Variants in MYO10 observed in about 807,000 individuals in gnomAD.
The protein encoded by MYO10 is unconventional myosin-X.
MYO10 carries 133 observed loss-of-function variants against 257.3 expected under a neutral mutation model. The observed-to-expected ratio is 0.52, with a 90% CI of 0.45 to 0.60. The LOEUF (loss-of-function observed/expected upper bound fraction) is 0.60. Among genes scored for constraint, MYO10 ranks in the 20% least tolerant of loss-of-function variants. The pLI, the probability that MYO10 is intolerant of heterozygous loss-of-function variation, is 0.00. For synonymous variants in MYO10, 1,104 were observed against 1,028.6 expected, an observed-to-expected ratio of 1.07 and a Z score of -1.40; for missense variants, 2,399 against 2,635.7, an observed-to-expected ratio of 0.91 and a Z score of 1.97.
chr5:16,714,901 C>T (rs1738783547), intron 19 of MYO10, among the ~76,000 whole-genome samples: 1 of 152,126 alleles, frequency 6.6e-6, no homozygotes, highest in Non-Finnish European at 1.5e-5. Flanking sequence ...TATTTAGTAT[C>T]TGATAGCACA....
At chr5:16,769,227 A>G (rs867617583) in intron 9 of MYO10, 24 bp from the exon 10 acceptor site, 1 of 1,568,332 alleles carries the variant, frequency 6.4e-7, no homozygotes, top group South Asian at 1.2e-5. Flanking sequence ...AATGTATTTA[A>G]TTTTATGTCG....
intron 2 of MYO10, among the ~76,000 whole-genome samples, chr5:16,821,683 G>A (rs1354357692): frequency 6.6e-6 from 1 of 151,516 alleles, no homozygotes; most frequent in Non-Finnish European, 1.5e-5. Flanking sequence ...AGCCAGGATG[G>A]TCTTGATCTC....
At chr5:16,790,026 C>G (rs769232498) in intron 4 of MYO10, among the ~76,000 whole-genome samples, 1 of 151,922 alleles carries the variant, frequency 6.6e-6, no homozygotes, top group African/African-American at 2.4e-5. Context: ...TGCTATATTA[C>G]AAGAGCACGC....
intron 1 of MYO10, among the ~76,000 whole-genome samples, chr5:16,890,362 A>T (rs1745016121): frequency 6.6e-6 from 1 of 151,884 alleles, no homozygotes; most frequent in African/African-American, 2.4e-5. Context: ...TAACCATATG[A>T]CCCAGAAATT....
chr5:16,911,507 G>GGA (rs942810971), intron 1 of MYO10, among the ~76,000 whole-genome samples: 28 of 151,982 alleles, frequency 1.8e-4, no homozygotes, highest in African/African-American at 6.5e-4. Flanking sequence ...TGAGGCGGGG[G>GGA]GATCCCTTGA....
rs748369375 is a variant in MYO10 at position 16,701,011 on chromosome 5, G to T, written c.3384C>A (p.Tyr1128Ter). 1 of 1,561,902 alleles carries T rather than the reference G, an allele frequency of 6.4e-7. No individual in the cohort carries two copies. The highest frequency in any genetic ancestry group is 8.7e-7 in the Non-Finnish European group (1 of 1,153,120). The change falls in exon 25 of 41, where the codon TAC (tyrosine) becomes TAA (stop). Residue 1128 changes from tyrosine (Y) to a stop codon, truncating the protein, a stop_gained. Transcript: ENST00000513610. LOFTEE classifies it high-confidence loss of function. The surrounding 1 kb of genome is among the most constrained non-coding windows in gnomAD (Gnocchi z 8.1). ...SPDYRCSVGT[Y>*]NSSGAYRFSS... is the part of the protein sequence containing the mutation. Reference sequence around the variant, plus strand: ...TGAACCGGTAGGCACCCGAGCTGTTGTAGGTCCCCACAGAGCAGCGGTAGT... The same window carrying T: ...TGAACCGGTAGGCACCCGAGCTGTTTTAGGTCCCCACAGAGCAGCGGTAGT...
rs1427891480 is a variant in MYO10 at position 16,695,220 on chromosome 5, G to C, written c.3557-606C>G. On this transcript the variant is annotated intron_variant, in intron 26 of 40. Transcript: ENST00000513610. ...ATGGTGGTGCGTGCCTGTAATCCCA[G>C]CTACTTGGGAGGCTGGGGTAGGACA... is the stretch of plus-strand genomic sequence containing the variant. Among the ~76,000 whole-genome samples, 4 of 152,118 alleles carry C rather than the reference G, an allele frequency of 2.6e-5. No individual in the cohort carries two copies. The East Asian group carries it at 7.7e-4, about 29-fold the overall frequency.
At chr5:16,877,827 G>A in intron 1 of MYO10, 120 bp from the exon 2 acceptor site, 1 of 743,466 alleles carries the variant, frequency 1.3e-6, no homozygotes, top group Non-Finnish European at 2.2e-6. Flanking sequence ...AAAAGTAAAT[G>A]TCTTTCTCAA....
intron 1 of MYO10, among the ~76,000 whole-genome samples, chr5:16,898,744 T>C (rs892665979): frequency 6.6e-6 from 1 of 151,976 alleles, no homozygotes. Context: ...GCATGTTCCC[T>C]GCACATCTCA....
chr5:16,871,606 C>T (rs191678663), intron 2 of MYO10, among the ~76,000 whole-genome samples: 73 of 150,162 alleles, frequency 4.9e-4, no homozygotes, highest in African/African-American at 1.8e-3. Flanking sequence ...AATCCTGTCT[C>T]GAAAAAAAAA....
intron 2 of MYO10, among the ~76,000 whole-genome samples, chr5:16,838,503 C>A (rs1321835315): frequency 6.6e-6 from 1 of 152,130 alleles, no homozygotes; most frequent in African/African-American, 2.4e-5. Flanking sequence ...CTGGAGCCAG[C>A]ACAGATTCGT....
At chr5:16,823,612 C>CA (rs1158191931) in intron 2 of MYO10, among the ~76,000 whole-genome samples, 20 of 149,700 alleles carry the variant, frequency 1.3e-4, no homozygotes, top group African/African-American at 4.9e-4. Context: ...GCTGGGACTA[C>CA]AGGCGCCCGC....
Position 16,794,654 on chromosome 5 carries a change from G to T in MYO10, c.459C>A (p.Ile153=). ...GCTGTGAGCCCCGTTACCTGATGAGGATGCACTGGTTGTCGTGGCGCTTCC... is the reference window on the plus strand; with the variant it reads ...GCTGTGAGCCCCGTTACCTGATGAGTATGCACTGGTTGTCGTGGCGCTTCC... ...CLWKRHDNQC[I]LISGESGAGK... is the part of the protein sequence containing the mutation. The change falls in exon 4 of 41, where the codon ATC becomes ATA. Residue 153 remains isoleucine, a synonymous_variant. Coordinates refer to ENST00000513610, the MANE Select transcript of MYO10 (RefSeq NM_012334.3). The T allele has an allele frequency of 3.1e-6, 5 of 1,610,120 alleles. No individual in the cohort carries two copies. The South Asian group carries it at 3.3e-5, about 11-fold the overall frequency.
chr5:16,829,120 G>C (rs756702772), intron 2 of MYO10, among the ~76,000 whole-genome samples: 3 of 152,158 alleles, frequency 2.0e-5, no homozygotes, highest in African/African-American at 7.2e-5. Flanking sequence ...CAATAGAGAT[G>C]ATCCATGTGG....
At chr5:16,757,406 G>C (rs982117432) in intron 18 of MYO10, among the ~76,000 whole-genome samples, 14 of 149,954 alleles carry the variant, frequency 9.3e-5, no homozygotes, top group African/African-American at 3.4e-4. Context: ...AAAGAAAACT[G>C]AAAACCTCTG....
In MYO10 at chr5:16,828,128, C is replaced by T. The variant is rs74952198; in HGVS notation, c.121-9961G>A. ...TATACGGTAAAGGCATTAGTATCTC[C>T]GCGGCAGAGATGCTGAGGCTTAGAT... On this transcript the variant is annotated intron_variant, in intron 2 of 40. Transcript: ENST00000513610. Among the ~76,000 whole-genome samples, 1,299 of 152,206 alleles carry T rather than the reference C, an allele frequency of 8.5e-3. 7 individuals carry two copies. The highest frequency in any genetic ancestry group is 0.014 in the Non-Finnish European group (937 of 68,022).
chr5:16,761,974 G>C, intron 16 of MYO10, 71 bp downstream of exon 16: 1 of 1,418,718 alleles, frequency 7.0e-7, no homozygotes, highest in East Asian at 2.5e-5. Context: ...TTCATGATTG[G>C]CTTCTGAAAC....
At chr5:16,753,911 T>A (rs894384961) in intron 19 of MYO10, among the ~76,000 whole-genome samples, 1 of 152,224 alleles carries the variant, frequency 6.6e-6, no homozygotes, top group Non-Finnish European at 1.5e-5. Flanking sequence ...CCAAGTCTCA[T>A]GGGAAACAGT....
At chr5:16,790,057 G>A (rs1011559256) in intron 4 of MYO10, among the ~76,000 whole-genome samples, 1 of 151,530 alleles carries the variant, frequency 6.6e-6, no homozygotes, top group Admixed American at 6.6e-5. Flanking sequence ...TATTCTGCTT[G>A]GTGCCTTTCT....
Sources: gnomAD v4.1 joint callset for allele counts (sites outside exome capture counted in the v4.1 genomes callset) on GRCh38, gnomAD v4.1.1 for gene constraint, Gnocchi (gnomAD v3.1) non-coding constraint, MANE v1.5 for transcripts, NCBI Gene and HGNC (gene_info 2026-07-23, HGNC 2026-07-21) for gene names.